ANKFN1: variants seen among roughly 807,000 people sequenced by gnomAD.
The protein encoded by ANKFN1 is ankyrin repeat and fibronectin type-III domain-containing protein 1.
ANKFN1 carries 74 observed loss-of-function variants against 108.7 expected under a neutral mutation model. The ratio of observed to expected loss-of-function variants is 0.68; its 90% CI spans 0.56 to 0.83. The LOEUF (loss-of-function observed/expected upper bound fraction) is 0.83. Among genes scored for constraint, ANKFN1 ranks in the 40% least tolerant of loss-of-function variants. ANKFN1 has a pLI of 0.00. For missense variants in ANKFN1, 1,505 were observed against 1,382.3 expected, an observed-to-expected ratio of 1.09 and a Z score of -1.41; for synonymous variants, 547 against 516.2, an observed-to-expected ratio of 1.06 and a Z score of -0.81.
At chr17:56,124,166 C>T (rs1030650264) in intron 4 of ANKFN1, among the ~76,000 whole-genome samples, 4 of 152,192 alleles carry the variant, frequency 2.6e-5, no homozygotes, top group African/African-American at 9.7e-5. Context: ...GCTGAGACTA[C>T]ATTTCTAACA....
rs1225888511 is a variant in ANKFN1, at chr17:56,467,783, G to GAA, written c.1773+1214_1773+1215dup. 2.3e-3 allele frequency among the ~76,000 whole-genome samples: 53 copies of GAA among 22,918 alleles called. 4 individuals carry two copies. The highest frequency in any genetic ancestry group is 5.8e-3 in the Admixed American group (7 of 1,202). The allele number at this position is 22,918 out of a possible 152,430, so 15.0% of individuals were successfully genotyped here. On this transcript the variant is annotated intron_variant, in intron 15 of 20. Coordinates refer to ENST00000682825, the MANE Select transcript of ANKFN1 (RefSeq NM_001370326.1). ...AGAAAGAAAGAAAGAAAGAAAGAAAGAAAGAAAGAAGAAAGAAAGAAAGAA... is the reference window on the plus strand; with the variant it reads ...AGAAAGAAAGAAAGAAAGAAAGAAAGAAAAAGAAAGAAGAAAGAAAGAAAGAA...
At chr17:56,292,030 C>T (rs966653232) in intron 3 of ANKFN1, among the ~76,000 whole-genome samples, 2 of 152,168 alleles carry the variant, frequency 1.3e-5, no homozygotes, top group African/African-American at 4.8e-5. Context: ...TTTTGTTCTT[C>T]ATTTTAGTAG....
At chr17:56,080,588 T>C (rs1905233926) in intron 4 of ANKFN1, among the ~76,000 whole-genome samples, 1 of 152,184 alleles carries the variant, frequency 6.6e-6, no homozygotes, top group Admixed American at 6.5e-5. Flanking sequence ...ATTCACTCAT[T>C]TAATCCTCCC....
At chr17:56,412,842 C>A (rs2048132763) in intron 8 of ANKFN1, among the ~76,000 whole-genome samples, 1 of 152,208 alleles carries the variant, frequency 6.6e-6, no homozygotes, top group African/African-American at 2.4e-5. Context: ...TAATAAACTT[C>A]CTTTCAAATA....
intron 1 of ANKFN1, among the ~76,000 whole-genome samples, chr17:56,182,121 C>G (rs1911740129): frequency 6.6e-6 from 1 of 152,136 alleles, no homozygotes; most frequent in East Asian, 1.9e-4. Flanking sequence ...TTGGATGTCC[C>G]TATTTCCTGA....
At chr17:56,352,522 G>T (rs1308688344) in intron 5 of ANKFN1, among the ~76,000 whole-genome samples, 4 of 152,076 alleles carry the variant, frequency 2.6e-5, no homozygotes, top group African/African-American at 9.7e-5. Flanking sequence ...TACGTGTGTT[G>T]GTCTTCTCCC....
intron 1 of ANKFN1, among the ~76,000 whole-genome samples, chr17:56,200,472 C>T (rs533379343): frequency 3.3e-5 from 5 of 152,278 alleles, no homozygotes; most frequent in South Asian, 4.1e-4. Flanking sequence ...ATTGTTTTAG[C>T]GGTGAGGTCC....
intron 4 of ANKFN1, among the ~76,000 whole-genome samples, chr17:56,067,836 G>A (rs1322658873): frequency 5.3e-5 from 8 of 151,674 alleles, no homozygotes; most frequent in Middle Eastern, 3.4e-3. Context: ...AGCAGAGATC[G>A]ACACCAGCTT....
chr17:56,217,352 C>G (rs1279700529), intron 2 of ANKFN1, among the ~76,000 whole-genome samples: 1 of 152,180 alleles, frequency 6.6e-6, no homozygotes, highest in Non-Finnish European at 1.5e-5. Context: ...AAGTCAAAGA[C>G]CATTTCCTCA....
intron 1 of ANKFN1, among the ~76,000 whole-genome samples, chr17:56,171,057 A>G (rs1184549165): frequency 1.3e-5 from 2 of 151,714 alleles, no homozygotes; most frequent in East Asian, 3.9e-4. Context: ...ATCCTCAAGA[A>G]AGTTATTTGC....
intron 1 of ANKFN1, among the ~76,000 whole-genome samples, chr17:56,170,807 T>TACACACAC (rs112596144): frequency 6.3e-4 from 39 of 61,442 alleles, no homozygotes; most frequent in Middle Eastern, 0.018. Context: ...TATATATATA[T>TACACACAC]ACACACACAC....
chr17:56,221,665 C>G (rs1416174984), intron 2 of ANKFN1, among the ~76,000 whole-genome samples: 1 of 152,196 alleles, frequency 6.6e-6, no homozygotes, highest in Non-Finnish European at 1.5e-5. Context: ...CCTGAAGAAA[C>G]TCTCTCCCAG....
intron 20 of ANKFN1, among the ~76,000 whole-genome samples, chr17:56,501,041 T>G (rs1032787654): frequency 6.6e-6 from 1 of 152,074 alleles, no homozygotes; most frequent in Non-Finnish European, 1.5e-5. Context: ...TCTGGAAAGA[T>G]GACATTTGAA....
intron 2 of ANKFN1, among the ~76,000 whole-genome samples, chr17:56,214,370 G>A (rs1462001109): frequency 1.3e-5 from 2 of 152,160 alleles, no homozygotes; most frequent in African/African-American, 4.8e-5. Flanking sequence ...CAGAGGGGCT[G>A]CTGCCTTTCT....
intron 4 of ANKFN1, among the ~76,000 whole-genome samples, chr17:56,120,726 T>A (rs1485721421): frequency 2.6e-5 from 4 of 152,170 alleles, no homozygotes; most frequent in Non-Finnish European, 5.9e-5. Context: ...ACACCTCCAA[T>A]GATGGTTGCA....
intron 4 of ANKFN1, among the ~76,000 whole-genome samples, chr17:56,348,864 A>G (rs184346261): frequency 6.6e-6 from 1 of 152,310 alleles, no homozygotes; most frequent in East Asian, 1.9e-4. Context: ...CAGAAATACA[A>G]TCCCAATACT....
chr17:56,312,289 G>C (rs1402107177), intron 3 of ANKFN1, among the ~76,000 whole-genome samples: 1 of 152,116 alleles, frequency 6.6e-6, no homozygotes, highest in Non-Finnish European at 1.5e-5. Context: ...ACATGTGTCT[G>C]GCTGCCAATT....
chr17:56,234,472 A>G (rs1278238726), intron 3 of ANKFN1, among the ~76,000 whole-genome samples: 5 of 151,932 alleles, frequency 3.3e-5, no homozygotes, highest in African/African-American at 1.2e-4. Context: ...AGTACCCAAT[A>G]GTTATTTTTT....
At chr17:56,267,819 A>G (rs2043692227) in intron 3 of ANKFN1, among the ~76,000 whole-genome samples, 1 of 152,082 alleles carries the variant, frequency 6.6e-6, no homozygotes, top group African/African-American at 2.4e-5. Context: ...ATTCGAAGTC[A>G]GGTCTTGTGA....
Sources: gnomAD v4.1 joint callset for allele counts (sites outside exome capture counted in the v4.1 genomes callset) on GRCh38, gnomAD v4.1.1 for gene constraint, MANE v1.5 for transcripts, NCBI Gene and HGNC (gene_info 2026-07-23, HGNC 2026-07-21) for gene names.